The following ASTN2 variants were observed in gnomAD, a reference collection of about 807,000 sequenced individuals.
ASTN2 encodes the protein astrotactin 2, also known as astrotactin-2.
A neutral mutation model predicts 139.8 loss-of-function variants in ASTN2; 54 were observed. The ratio of observed to expected loss-of-function variants is 0.39; its 90% confidence interval spans 0.31 to 0.48. The LOEUF (loss-of-function observed/expected upper bound fraction) is 0.48. Among genes scored for constraint, ASTN2 ranks in the 20% least tolerant of loss-of-function variants. The pLI is 0.95. For missense variants in ASTN2, 1,565 were observed against 1,725.1 expected (o/e 0.91, Z 1.64); for synonymous variants, 756 against 719.5 (o/e 1.05, Z -0.81).
chr9:117,223,996 C>T (rs530826673), intron 2 of ASTN2, among the ~76,000 whole-genome samples: 96 of 152,226 alleles, frequency 6.3e-4, no homozygotes, highest in Middle Eastern at 3.4e-3. Flanking sequence ...ATTCACCTTC[C>T]ACCCACTACC....
At chr9:117,276,464 G>C (rs539266530) in intron 2 of ASTN2, among the ~76,000 whole-genome samples, 8 of 152,162 alleles carry the variant, frequency 5.3e-5, no homozygotes, top group South Asian at 2.1e-4. Flanking sequence ...ACAGCCTCTG[G>C]TGACTTTACA....
chr9:117,237,646 A>T (rs1354359265), intron 2 of ASTN2, among the ~76,000 whole-genome samples: 2 of 152,044 alleles, frequency 1.3e-5, no homozygotes, highest in Admixed American at 6.5e-5. Flanking sequence ...CGCCCCGCTA[A>T]TTTTTTCTAT....
chr9:116,623,546 G>T (rs1426282217), intron 17 of ASTN2, among the ~76,000 whole-genome samples: 1 of 152,224 alleles, frequency 6.6e-6, no homozygotes, highest in African/African-American at 2.4e-5. Context: ...ATTAGATCCC[G>T]GGGGAGGAAA....
At chr9:117,128,849 G>T (rs1381501181) in intron 4 of ASTN2, among the ~76,000 whole-genome samples, 1 of 152,208 alleles carries the variant, frequency 6.6e-6, no homozygotes, top group African/African-American at 2.4e-5. Flanking sequence ...ATCTTACATG[G>T]ATGGCAGCAG....
intron 13 of ASTN2, among the ~76,000 whole-genome samples, chr9:116,770,153 G>C (rs950275036): frequency 1.3e-5 from 2 of 151,892 alleles, no homozygotes; most frequent in African/African-American, 4.8e-5. Context: ...AGAAAAGGAG[G>C]AGATCAACAA....
At chr9:116,509,201 T>A (rs1057449161) in intron 19 of ASTN2, among the ~76,000 whole-genome samples, 2 of 152,094 alleles carry the variant, frequency 1.3e-5, no homozygotes, top group African/African-American at 2.4e-5. Context: ...ATGTTCCCCA[T>A]CCTGTGCCCA....
intron 16 of ASTN2, among the ~76,000 whole-genome samples, chr9:116,705,038 TAACTC>T (rs918186725): frequency 9.8e-5 from 15 of 152,296 alleles, no homozygotes; most frequent in Admixed American, 6.5e-4. Context: ...CAAAATTTAT[TAACTC>T]AAATAATTAT....
intron 5 of ASTN2, among the ~76,000 whole-genome samples, chr9:117,073,197 ATGCATGAGG>A (rs1828183476): frequency 6.6e-6 from 1 of 152,128 alleles, no homozygotes; most frequent in Non-Finnish European, 1.5e-5. Flanking sequence ...CCTTGCTGGT[ATGCATGAGG>A]TCCTGGCCTC....
chr9:116,744,962 G>A (rs1423687934), intron 13 of ASTN2, among the ~76,000 whole-genome samples: 2 of 152,080 alleles, frequency 1.3e-5, no homozygotes, highest in Non-Finnish European at 2.9e-5. Context: ...CCAGACGGAG[G>A]CTCTCAGAAC....
chr9:117,092,900 C>T (rs993976281), intron 5 of ASTN2, among the ~76,000 whole-genome samples: 1 of 151,978 alleles, frequency 6.6e-6, no homozygotes, highest in Non-Finnish European at 1.5e-5. Flanking sequence ...AAGAAAGAAC[C>T]CATCAGCCCA....
At chr9:116,687,648 C>G (rs961997241) in intron 16 of ASTN2, among the ~76,000 whole-genome samples, 4 of 151,392 alleles carry the variant, frequency 2.6e-5, no homozygotes, top group Non-Finnish European at 5.9e-5. Flanking sequence ...GCGGTTGCAG[C>G]ATCTCGGGAG....
intron 19 of ASTN2, among the ~76,000 whole-genome samples, chr9:116,495,757 G>C (rs1849648894): frequency 1.3e-5 from 2 of 152,146 alleles, no homozygotes; most frequent in Non-Finnish European, 2.9e-5. Flanking sequence ...AAAGCTGTCA[G>C]ACTCCAAAAC....
At chr9:116,770,293 T>C (rs926396097) in intron 13 of ASTN2, among the ~76,000 whole-genome samples, 2 of 152,074 alleles carry the variant, frequency 1.3e-5, no homozygotes, top group African/African-American at 4.8e-5. Flanking sequence ...GGAAAGATAG[T>C]TGATTTTTTT....
intron 3 of ASTN2, among the ~76,000 whole-genome samples, chr9:117,183,645 A>G (rs1292590084): frequency 1.3e-5 from 2 of 152,120 alleles, no homozygotes; most frequent in Non-Finnish European, 2.9e-5. Context: ...CAGAGTCCAC[A>G]TTTCTATCCA....
rs945349356 is a variant in ASTN2 at position 116,424,557 on chromosome 9, T to C, written c.*1294A>G. On this transcript the variant is annotated 3_prime_UTR_variant, in exon 23 of 23. Coordinates refer to ENST00000313400, the MANE Select transcript of ASTN2 (RefSeq NM_001365068.1). ...GTGTACTGTCTCTTGTCTCTGGGCT[T>C]TTGTTCATATCTCTTCTTCCTGGAG... 6.6e-6 allele frequency among the ~76,000 whole-genome samples: 1 copy of C among 151,824 alleles called. No homozygotes were observed. The highest frequency in any genetic ancestry group is 2.4e-5 in the African/African-American group (1 of 41,318).
At chr9:117,400,406 G>A (rs189322126) in intron 1 of ASTN2, among the ~76,000 whole-genome samples, 25 of 152,256 alleles carry the variant, frequency 1.6e-4, no homozygotes, top group Admixed American at 1.0e-3. Flanking sequence ...GTGAGTGGGG[G>A]CGATTCCCTA....
chr9:117,026,668 C>T (rs924929215), intron 6 of ASTN2, among the ~76,000 whole-genome samples: 28 of 152,052 alleles, frequency 1.8e-4, no homozygotes, highest in African/African-American at 6.0e-4. Context: ...GGTTCCTTGT[C>T]GCCAGCTTAG....
intron 1 of ASTN2, among the ~76,000 whole-genome samples, chr9:117,336,057 G>GAAA (rs35679249): frequency 7.6e-5 from 8 of 104,924 alleles, no homozygotes; most frequent in African/African-American, 1.5e-4. Flanking sequence ...GTCTGGAAAG[G>GAAA]AAAAAAAAAA....
At chr9:116,555,164 G>A (rs1852545133) in intron 19 of ASTN2, among the ~76,000 whole-genome samples, 1 of 152,200 alleles carries the variant, frequency 6.6e-6, no homozygotes, top group Non-Finnish European at 1.5e-5. Flanking sequence ...TATAGAGACT[G>A]AAAAGGCTAA....
Sources: gnomAD v4.1 joint callset for allele counts (sites outside exome capture counted in the v4.1 genomes callset) on GRCh38, gnomAD v4.1.1 for gene constraint, MANE v1.5 for transcripts, NCBI Gene and HGNC (gene_info 2026-07-23, HGNC 2026-07-21) for gene names.